Variants in RBM10 observed in about 807,000 individuals in gnomAD.
The protein encoded by RBM10 is RNA-binding protein 10.
In RBM10, 1 loss-of-function variant was observed where a neutral mutation model predicts 84.9. The observed-to-expected ratio is 0.01, with a 90% CI of 0.00 to 0.06. RBM10 has a LOEUF of 0.06. Among genes scored for constraint, RBM10 ranks in the 10% least tolerant of loss-of-function variants. RBM10 has a pLI of 1.00. For missense variants in RBM10, 438 were observed against 839.0 expected, an observed-to-expected ratio of 0.52 and a Z score of 5.90; for synonymous variants, 326 against 344.5, an observed-to-expected ratio of 0.95 and a Z score of 0.60.
chrX:47,158,727 A>G (rs1376394148), intron 2 of RBM10, among the ~76,000 whole-genome samples: 1 of 111,571 alleles, frequency 9.0e-6, no homozygotes. Flanking sequence ...ACATGGGTAA[A>G]TTGCGTGACA....
In RBM10 at chrX:47,181,516, C is replaced by G. The variant is rs147041092; in HGVS notation, c.1445C>G (p.Ala482Gly). The change falls in exon 14 of 24, where the codon GCC becomes GGC. Residue 482 changes from alanine to glycine, a missense_variant. By Grantham distance (60) the Ala-to-Gly change is moderately conservative. Coordinates refer to ENST00000377604, the MANE Select transcript of RBM10 (RefSeq NM_005676.5). ...KGDPTGAGPE[A>G]SLEPGADSVS... ...CTGTCCCTCCTTACAGGTCCCGAGG[C>G]CTCCCTAGAGCCTGGGGCCGACTCT... 236 of 1,210,495 alleles carry G rather than the reference C, an allele frequency of 1.9e-4. No individual in the cohort carries two copies. Among genetic ancestry groups the G allele is most frequent in the Non-Finnish European group, 2.5e-4 (226 of 895,212 alleles).
At chrX:47,171,462 C>T (rs955053022) in intron 4 of RBM10, among the ~76,000 whole-genome samples, 6 of 112,663 alleles carry the variant, frequency 5.3e-5, no homozygotes, top group Middle Eastern at 4.6e-3. Flanking sequence ...TCAGAGAGGC[C>T]GGCTTGGCCA....
intron 2 of RBM10, among the ~76,000 whole-genome samples, chrX:47,160,561 C>T (rs1556766479): frequency 9.2e-6 from 1 of 109,235 alleles, no homozygotes; most frequent in Non-Finnish European, 1.9e-5. Flanking sequence ...CCGTCTCATG[C>T]CAGTCAGATG....
intron 2 of RBM10, chrX:47,157,807 TCTCA>T (rs1283805784): frequency 8.6e-5 from 30 of 349,380 alleles, no homozygotes; most frequent in Non-Finnish European, 9.9e-6. Flanking sequence ...TTGAGATCAG[TCTCA>T]CTCAGTCGCC....
At chrX:47,164,490 C>G (rs1556768110) in intron 2 of RBM10, among the ~76,000 whole-genome samples, 1 of 106,001 alleles carries the variant, frequency 9.4e-6, no homozygotes, top group African/African-American at 3.5e-5. Context: ...CCACTGCCCT[C>G]CAGCCTGGGT....
chrX:47,182,085 C>T lies in RBM10; in HGVS notation c.1785+43C>T, dbSNP rs374690327. ...GGAGGGATGGGATCGGGTCAGGTCG[C>T]GTCAGGAACAGCTAGCCCTGCAGGT... On this transcript the variant is annotated intron_variant, in intron 16 of 23. Coordinates refer to ENST00000377604, the MANE Select transcript of RBM10 (RefSeq NM_005676.5). The T allele has an allele frequency of 1.1e-5, 13 of 1,208,861 alleles. No individual in the cohort carries two copies. In the African/African-American group the frequency reaches 1.2e-4, roughly 11 times the overall value.
At chrX:47,176,910 G>C (rs1935195336) in intron 7 of RBM10, among the ~76,000 whole-genome samples, 1 of 111,761 alleles carries the variant, frequency 8.9e-6, no homozygotes, top group Non-Finnish European at 1.9e-5. Context: ...TGATGAATTA[G>C]TGACAGTGTA....
Position 47,145,392 on chromosome X carries a change from G to C in RBM10, c.-219G>C, listed in dbSNP as rs1403732540. 1.8e-6 allele frequency: 2 copies of C among 1,114,643 alleles called. No individual in the cohort carries two copies. The highest frequency in any genetic ancestry group is 2.4e-6 in the Non-Finnish European group (2 of 836,589). The allele number at this position is 1,114,643 out of a possible 1,213,427, so 91.9% of individuals were successfully genotyped here. A position where few individuals can be genotyped will look rare whatever the true frequency, so the allele number is the denominator to read the frequency against. On this transcript the variant is annotated 5_prime_UTR_variant, in exon 1 of 24. Coordinates refer to ENST00000377604, the MANE Select transcript of RBM10 (RefSeq NM_005676.5). The stretch of plus-strand genomic sequence containing the variant: ...CCAGTCTCGGACTTGGTTGTTGCGC[G>C]CTCCGGCTCCGGCTGAGCTGGGAGA...
Position 47,185,739 on chromosome X carries a change from A to C in RBM10, c.2379A>C (p.Arg793=), listed in dbSNP as rs367680909. Residue 793 remains arginine (R), a synonymous_variant, in exon 21 of 24, where the codon CGA becomes CGC. Transcript: ENST00000377604. The stretch of plus-strand genomic sequence containing the variant: ...AGCAAAACCTTGAGATTCACCGGCG[A>C]GCCCACTTGTCAGAAAACGAGCTAG... The part of the protein sequence containing the change: ...LHKQNLEIHR[R]AHLSENELEA... 116 of 1,210,316 alleles carry C rather than the reference A, an allele frequency of 9.6e-5. No individual in the cohort carries two copies. Among genetic ancestry groups the C allele is most frequent in the Non-Finnish European group, 1.1e-4 (94 of 895,218 alleles).
intron 6 of RBM10, 90 bp from the exon 7 acceptor site, chrX:47,176,410 T>A (rs1164352903): frequency 3.4e-6 from 4 of 1,184,830 alleles, no homozygotes; most frequent in Non-Finnish European, 4.5e-6. Flanking sequence ...TCCATCCAGC[T>A]GAAGGGCTCG....
rs1556781441 is a variant in RBM10 at position 47,185,060 on chromosome X, C to T, written c.1956C>T (p.Ala652=). The T allele has an allele frequency of 8.3e-7, 1 of 1,208,813 alleles. No homozygotes were observed. The highest frequency in any genetic ancestry group is 2.2e-5 in the Admixed American group (1 of 45,734). The change falls in exon 18 of 24, where the codon GCC becomes GCT. Residue 652 remains alanine, a synonymous_variant. Transcript: ENST00000377604. ...ACCTCCACCCTCACCCCCAGATTGC[C>T]AAGGACATGGAACGCTGGGCCCGCA... ...KHKTKTAQQI[A]KDMERWARSL...
At chrX:47,146,935 G>GC (rs1932296559) in intron 1 of RBM10, among the ~76,000 whole-genome samples, 1 of 111,362 alleles carries the variant, frequency 9.0e-6, no homozygotes, top group Middle Eastern at 4.6e-3. Context: ...GGAGCCTGGG[G>GC]CCCCCATTGT....
At chrX:47,158,755 G>A (rs1009979226) in intron 2 of RBM10, among the ~76,000 whole-genome samples, 1 of 111,595 alleles carries the variant, frequency 9.0e-6, no homozygotes, top group Non-Finnish European at 1.9e-5. Flanking sequence ...TTGAGGCCCC[G>A]TTGATCCCAT....
intron 6 of RBM10, among the ~76,000 whole-genome samples, chrX:47,175,703 C>T (rs782171033): frequency 1.8e-5 from 2 of 111,290 alleles, no homozygotes; most frequent in African/African-American, 6.5e-5. Flanking sequence ...TCCACACTCG[C>T]AGGAGGCACC....
chrX:47,180,138 C>T, intron 10 of RBM10, 74 bp from the exon 11 acceptor site: 2 of 1,184,898 alleles, frequency 1.7e-6, no homozygotes, highest in African/African-American at 3.5e-5. Flanking sequence ...GGCTGCCAGC[C>T]TGGAAATCGG....
At chrX:47,147,607 A>G in intron 2 of RBM10, 109 bp downstream of exon 2, 1 of 994,530 alleles carries the variant, frequency 1.0e-6, no homozygotes, top group Non-Finnish European at 1.4e-6. Context: ...ACAGCATAGC[A>G]GATGATGGGT....
At position 47,171,184 on chromosome X, in the gene RBM10, G is replaced by C; in HGVS notation, c.358G>C (p.Asp120His). The C allele has an allele frequency of 1.7e-6, 2 of 1,207,801 alleles. No homozygotes were observed. Among genetic ancestry groups the C allele is most frequent in the Non-Finnish European group, 2.2e-6 (2 of 893,959 alleles). ...EQGEEEEEEE[D>H]EEEEEKASNI... ...AGGGGAGGAGGAGGAGGAGGAGGAG[G>C]ATGAGGAGGAGGAGGAGAAGGCCAG... Residue 120 changes from aspartate (D) to histidine (H), a missense_variant, in exon 4 of 24, where the codon GAT (aspartate) becomes CAT (histidine). By Grantham distance (81) the Asp-to-His change is moderately conservative. This residue lies in a region of RBM10 where 92 missense variants were observed against 134.3 expected (regional missense o/e 0.69). Transcript: ENST00000377604.
intron 17 of RBM10, among the ~76,000 whole-genome samples, chrX:47,184,374 A>G (rs1208711347): frequency 9.1e-6 from 1 of 110,376 alleles, no homozygotes; most frequent in Non-Finnish European, 1.9e-5. Context: ...CAAGTGATCC[A>G]CCCGCCTTGG....
At chrX:47,157,422 T>C (rs995862545) in intron 2 of RBM10, 5 of 344,697 alleles carry the variant, frequency 1.5e-5, no homozygotes, top group African/African-American at 1.3e-4. Context: ...CACTCTAGTT[T>C]TGCACATGAA....
Sources: gnomAD v4.1 joint callset for allele counts (sites outside exome capture counted in the v4.1 genomes callset) on GRCh38, gnomAD v4.1.1 for gene constraint, gnomAD v4.1.1 regional missense constraint, MANE v1.5 for transcripts, NCBI Gene and HGNC (gene_info 2026-07-23, HGNC 2026-07-21) for gene names.